Variants in FSTL4 observed in about 807,000 individuals in gnomAD.
The protein encoded by FSTL4 is follistatin like 4.
In FSTL4, 28 loss-of-function variants were observed where a neutral mutation model predicts 78.2. The observed-to-expected ratio is 0.36, with a 90% CI of 0.27 to 0.49. The LOEUF (loss-of-function observed/expected upper bound fraction) is 0.49. Among genes scored for constraint, FSTL4 ranks in the 20% least tolerant of loss-of-function variants. The pLI, the probability that FSTL4 is intolerant of heterozygous loss-of-function variation, is 0.98. For synonymous variants in FSTL4, 422 were observed against 440.5 expected (o/e 0.96, Z 0.53); for missense variants, 922 against 1,084.9 (o/e 0.85, Z 2.11).
At chr5:133,451,263 A>T (rs966073671) in intron 3 of FSTL4, among the ~76,000 whole-genome samples, 2 of 152,120 alleles carry the variant, frequency 1.3e-5, no homozygotes, top group African/African-American at 4.8e-5. Flanking sequence ...TTACGAAAGG[A>T]AAGTTTGAGA....
intron 3 of FSTL4, among the ~76,000 whole-genome samples, chr5:133,446,659 C>G (rs962072443): frequency 1.3e-5 from 2 of 152,190 alleles, no homozygotes; most frequent in Admixed American, 6.5e-5. Flanking sequence ...AATCAGGAGC[C>G]GGTCCTCTTT....
At chr5:133,295,120 CCTT>C (rs1753359569) in intron 6 of FSTL4, among the ~76,000 whole-genome samples, 1 of 152,154 alleles carries the variant, frequency 6.6e-6, no homozygotes, top group Non-Finnish European at 1.5e-5. Flanking sequence ...TCGTTCCCGA[CCTT>C]CTTCTCCCTC....
rs1326486494 is a variant in FSTL4, at chr5:133,352,371, CACATAT to C, written c.410-35725_410-35720del. 9.5e-3 allele frequency among the ~76,000 whole-genome samples: 1,409 copies of C among 147,662 alleles called. 11 individuals carry two copies. Among genetic ancestry groups the C allele is most frequent in the Admixed American group, 0.016 (240 of 14,766 alleles). On this transcript the variant is annotated intron_variant, in intron 4 of 15. Coordinates refer to ENST00000265342, the MANE Select transcript of FSTL4 (RefSeq NM_015082.2). ...ATATATATACACACACATATATATA[CACATAT>C]ATATATATACACACACATATATATA...
chr5:133,658,406 A>G, the FSTL4 span, among the ~76,000 whole-genome samples: 1 of 152,132 alleles, frequency 6.6e-6, no homozygotes, highest in African/African-American at 2.4e-5. Flanking sequence ...ATGGAGCTGG[A>G]AATTTTTTGG....
chr5:133,655,711 A>T, the FSTL4 span, among the ~76,000 whole-genome samples: 1 of 152,200 alleles, frequency 6.6e-6, no homozygotes, highest in Non-Finnish European at 1.5e-5. Context: ...TCAGTGGGAA[A>T]AAAAAGACAA....
chr5:133,455,449 C>A (rs188901446), intron 3 of FSTL4, among the ~76,000 whole-genome samples: 1 of 149,252 alleles, frequency 6.7e-6, no homozygotes, highest in East Asian at 2.0e-4. Context: ...GATAACACAG[C>A]AAAAGATAAA....
At chr5:133,554,087 T>C (rs1759739511) in intron 3 of FSTL4, among the ~76,000 whole-genome samples, 1 of 152,228 alleles carries the variant, frequency 6.6e-6, no homozygotes, top group Non-Finnish European at 1.5e-5. Context: ...GATCTGGAGT[T>C]GGATCATTTG....
At chr5:133,690,068 C>CACAAACAAACAAACAA in the FSTL4 span, among the ~76,000 whole-genome samples, 4 of 149,688 alleles carry the variant, frequency 2.7e-5, no homozygotes, top group African/African-American at 9.9e-5. Flanking sequence ...TTTCAAAACA[C>CACAAACAAACAAACAA]ACAAACAAAC....
intron 3 of FSTL4, among the ~76,000 whole-genome samples, chr5:133,525,192 A>G (rs1759066037): frequency 6.6e-6 from 1 of 152,192 alleles, no homozygotes; most frequent in Non-Finnish European, 1.5e-5. Context: ...CTTGGCAGTC[A>G]TTTAGATCTC....
the FSTL4 span, among the ~76,000 whole-genome samples, chr5:133,635,124 G>A: frequency 4.6e-5 from 7 of 151,916 alleles, no homozygotes; most frequent in East Asian, 1.2e-3. Flanking sequence ...TGTTCTTTAT[G>A]TCTAAGTTGG....
chr5:133,223,999 T>C (rs1751244751), intron 11 of FSTL4, 191 bp downstream of exon 11: 3 of 524,464 alleles, frequency 5.7e-6, no homozygotes, highest in Non-Finnish European at 1.0e-5. Flanking sequence ...CATTTAAAAA[T>C]TTCTCATTAA....
intron 4 of FSTL4, among the ~76,000 whole-genome samples, chr5:133,353,222 A>G (rs1300301316): frequency 6.6e-6 from 1 of 152,250 alleles, no homozygotes; most frequent in African/African-American, 2.4e-5. Context: ...AAAGACAGAT[A>G]GCATTTTGGT....
the FSTL4 span, among the ~76,000 whole-genome samples, chr5:133,684,353 C>T: frequency 1.3e-5 from 2 of 152,170 alleles, no homozygotes; most frequent in Non-Finnish European, 2.9e-5. Context: ...ACCCGTGAGA[C>T]TCCAGCCTAA....
intron 2 of FSTL4, among the ~76,000 whole-genome samples, chr5:133,601,689 T>TC (rs1424721568): frequency 3.4e-4 from 50 of 148,266 alleles, no homozygotes; most frequent in African/African-American, 7.7e-5. Flanking sequence ...TTTCTTTCTT[T>TC]TTTTTTTTTC....
intron 4 of FSTL4, among the ~76,000 whole-genome samples, chr5:133,343,298 C>A (rs1037039730): frequency 6.6e-6 from 1 of 152,174 alleles, no homozygotes. Flanking sequence ...GGGCCACTAG[C>A]GGTGCCAACA....
the FSTL4 span, among the ~76,000 whole-genome samples, chr5:133,760,333 C>G: frequency 6.6e-6 from 1 of 152,222 alleles, no homozygotes; most frequent in Middle Eastern, 3.2e-3. Context: ...GGAAAGGGAG[C>G]AGAACCTCTA....
the FSTL4 span, among the ~76,000 whole-genome samples, chr5:133,697,032 G>A: frequency 2.0e-5 from 3 of 152,336 alleles, no homozygotes; most frequent in African/African-American, 7.2e-5. Context: ...AACACAGGGC[G>A]ATTAGGAGGA....
chr5:133,353,041 C>T (rs1754864324), intron 4 of FSTL4, among the ~76,000 whole-genome samples: 1 of 152,152 alleles, frequency 6.6e-6, no homozygotes, highest in South Asian at 2.1e-4. Context: ...CCATTTCTCT[C>T]CCCTTCCAGC....
At chr5:133,687,331 C>T in the FSTL4 span, among the ~76,000 whole-genome samples, 1 of 152,212 alleles carries the variant, frequency 6.6e-6, no homozygotes, top group Non-Finnish European at 1.5e-5. Flanking sequence ...AGGTTGGAGC[C>T]TTATGTCTTT....
Sources: allele counts gnomAD v4.1 joint callset (sites outside exome capture counted in the v4.1 genomes callset), GRCh38; gene constraint gnomAD v4.1.1; transcripts MANE v1.5; gene names NCBI Gene and HGNC (gene_info 2026-07-23, HGNC 2026-07-21).